The following SEC22A variants were observed in gnomAD, a reference collection of about 807,000 sequenced individuals.
The protein encoded by SEC22A is vesicle-trafficking protein SEC22a.
A neutral mutation model predicts 35.3 loss-of-function variants in SEC22A; 22 were observed. That is an observed-to-expected ratio of 0.62 (90% CI 0.45 to 0.89). The LOEUF (loss-of-function observed/expected upper bound fraction) is 0.89. SEC22A is among the 40% of genes least tolerant of loss of function. The pLI is 0.00. For missense variants in SEC22A, 354 were observed against 362.5 expected (o/e 0.98, Z 0.19); for synonymous variants, 119 against 129.5 (o/e 0.92, Z 0.55).
chr3:123,215,026 G>A (rs1487312200), intron 2 of SEC22A, among the ~76,000 whole-genome samples: 2 of 152,008 alleles, frequency 1.3e-5, no homozygotes, highest in African/African-American at 2.4e-5. Context: ...TCACTCTTTC[G>A]GGAAATTTTC....
intron 4 of SEC22A, among the ~76,000 whole-genome samples, chr3:123,241,833 G>A (rs6800786): frequency 0.17 from 25,281 of 151,866 alleles, 2,354 homozygotes; most frequent in Middle Eastern, 0.27. Flanking sequence ...CCAGTCATTC[G>A]CAACAGCATG....
At chr3:123,256,989 G>A (rs1374863458) in intron 5 of SEC22A, among the ~76,000 whole-genome samples, 3 of 151,994 alleles carry the variant, frequency 2.0e-5, no homozygotes, top group African/African-American at 7.2e-5. Flanking sequence ...TCGATATCCT[G>A]ACCTCGTGAT....
intron 6 of SEC22A, among the ~76,000 whole-genome samples, chr3:123,269,793 C>T (rs1023119171): frequency 5.3e-5 from 8 of 151,782 alleles, no homozygotes; most frequent in East Asian, 3.9e-4. Flanking sequence ...CCACCACACC[C>T]GACTAATTTT....
intron 3 of SEC22A, 42 bp from the exon 4 acceptor site, chr3:123,225,061 T>G (rs765988129): frequency 7.9e-7 from 1 of 1,273,200 alleles, no homozygotes; most frequent in East Asian, 2.3e-5. Context: ...AATGATTAAT[T>G]GACAAGTGAC....
At chr3:123,216,283 C>T (rs2108037136) in intron 2 of SEC22A, among the ~76,000 whole-genome samples, 1 of 152,228 alleles carries the variant, frequency 6.6e-6, no homozygotes, top group Non-Finnish European at 1.5e-5. Flanking sequence ...GATCTTCATT[C>T]TCTGGAGTGT....
At chr3:123,225,930 ATGAG>A (rs59757460) in intron 4 of SEC22A, among the ~76,000 whole-genome samples, 29,320 of 152,052 alleles carry the variant, frequency 0.19, 2,908 homozygotes, top group Middle Eastern at 0.27. Context: ...GCTCCCACAA[ATGAG>A]TGAGAATATG....
chr3:123,251,196 TG>T (rs1235238882), intron 5 of SEC22A, among the ~76,000 whole-genome samples: 3 of 152,192 alleles, frequency 2.0e-5, no homozygotes, highest in Admixed American at 6.6e-5. Context: ...GAGATTTTTT[TG>T]TTTTTTTGTT....
chr3:123,246,343 G>A (rs545385525), intron 5 of SEC22A, among the ~76,000 whole-genome samples: 1 of 152,284 alleles, frequency 6.6e-6, no homozygotes, highest in Admixed American at 6.5e-5. Context: ...AGTTGGGAAG[G>A]GGGAGAGGTC....
intron 6 of SEC22A, among the ~76,000 whole-genome samples, chr3:123,262,438 T>C (rs559187407): frequency 6.6e-6 from 1 of 152,358 alleles, no homozygotes; most frequent in East Asian, 1.9e-4. Context: ...TCTATGTATG[T>C]GCATATAGCG....
chr3:123,219,710 A>G (rs542452435), intron 2 of SEC22A, among the ~76,000 whole-genome samples: 2 of 152,322 alleles, frequency 1.3e-5, no homozygotes, highest in Admixed American at 6.5e-5. Context: ...CTCAAGGCAG[A>G]TAGACATCCG....
Position 123,272,948 on chromosome 3 carries a change from AAC to A in SEC22A, c.*1227_*1228del, listed in dbSNP as rs1361887074. 6.5e-6 allele frequency: 1 copy of A among 153,746 alleles called. No homozygotes were observed. Among genetic ancestry groups the A allele is most frequent in the East Asian group, 1.9e-4 (1 of 5,202 alleles). The allele number at this position is 153,746 out of a possible 1,614,324, so 9.5% of individuals were successfully genotyped here. On this transcript the variant is annotated 3_prime_UTR_variant, in exon 7 of 7. Transcript: ENST00000492595. Reference sequence around the variant, plus strand: ...TGAGAGAACTTACTTGTTTTTTGATAACGTTTTAAAGATTGTTTAAGCAGTTA... The same window carrying A: ...TGAGAGAACTTACTTGTTTTTTGATAGTTTTAAAGATTGTTTAAGCAGTTA...
chr3:123,270,165 G>T (rs991042805), intron 6 of SEC22A, among the ~76,000 whole-genome samples: 2 of 152,134 alleles, frequency 1.3e-5, no homozygotes, highest in Non-Finnish European at 2.9e-5. Context: ...ACAGGGTGAA[G>T]AGTATACAGT....
chr3:123,246,831 A>G (rs1937571175), intron 5 of SEC22A, among the ~76,000 whole-genome samples: 1 of 152,184 alleles, frequency 6.6e-6, no homozygotes, highest in Admixed American at 6.5e-5. Flanking sequence ...GTAAAAATCC[A>G]CTGAGCACAC....
intron 2 of SEC22A, among the ~76,000 whole-genome samples, chr3:123,214,256 C>A (rs1009394018): frequency 6.6e-6 from 1 of 152,162 alleles, no homozygotes; most frequent in Non-Finnish European, 1.5e-5. Context: ...CTTTAGTTTT[C>A]TTCTCCTCTG....
At chr3:123,269,428 T>C (rs2108112888) in intron 6 of SEC22A, among the ~76,000 whole-genome samples, 1 of 152,084 alleles carries the variant, frequency 6.6e-6, no homozygotes, top group African/African-American at 2.4e-5. Context: ...AAGACAATAA[T>C]TGCAAAGGGA....
rs1398948151 is a variant in SEC22A at position 123,273,249 on chromosome 3, T to C, written c.*1527T>C. The C allele has an allele frequency of 6.6e-6, 1 of 152,246 alleles. No individual in the cohort carries two copies. The allele number at this position is 152,246 out of a possible 1,614,324, so 9.4% of individuals were successfully genotyped here. On this transcript the variant is annotated 3_prime_UTR_variant, in exon 7 of 7. Transcript: ENST00000492595. Reference sequence around the variant, plus strand: ...TTGCGTGAACCAGTATTTGTGGATATGTCTAGAACTGTAAAATCTTGCTTA... The same window carrying C: ...TTGCGTGAACCAGTATTTGTGGATACGTCTAGAACTGTAAAATCTTGCTTA...
intron 6 of SEC22A, among the ~76,000 whole-genome samples, chr3:123,263,695 G>A (rs1937947632): frequency 1.3e-5 from 2 of 151,960 alleles, no homozygotes; most frequent in African/African-American, 4.8e-5. Flanking sequence ...TGTATTTTTA[G>A]TAGAGATGGG....
chr3:123,251,037 A>G (rs1390415453), intron 5 of SEC22A, among the ~76,000 whole-genome samples: 3 of 150,834 alleles, frequency 2.0e-5, no homozygotes, highest in African/African-American at 7.3e-5. Flanking sequence ...AAGAAAGACA[A>G]CTTTTGTTAA....
In SEC22A at chr3:123,260,131, C is replaced by CA. The variant is rs533386545; in HGVS notation, c.723+580dup. 1.8e-4 allele frequency among the ~76,000 whole-genome samples: 9 copies of CA among 49,774 alleles called. 1 individual carries two copies. The highest frequency in any genetic ancestry group is 1.0e-3 in the South Asian group (1 of 982). The allele number at this position is 49,774 out of a possible 152,430, so 32.7% of individuals were successfully genotyped here. A position where few individuals can be genotyped will look rare whatever the true frequency, so the allele number is the denominator to read the frequency against. ...TGGGCAACAGAGCGAGACTACATCTCAAAAAAAAAAAAAAAAAAAAAAAAA... is the reference window on the plus strand; with the variant it reads ...TGGGCAACAGAGCGAGACTACATCTCAAAAAAAAAAAAAAAAAAAAAAAAAA... On this transcript the variant is annotated intron_variant, in intron 6 of 6. Transcript: ENST00000492595.
Sources: allele counts gnomAD v4.1 joint callset (sites outside exome capture counted in the v4.1 genomes callset), GRCh38; gene constraint gnomAD v4.1.1; transcripts MANE v1.5; gene names NCBI Gene and HGNC (gene_info 2026-07-23, HGNC 2026-07-21).